Variants in SEMA3E observed in about 807,000 individuals in gnomAD.
SEMA3E encodes the protein semaphorin 3E.
In SEMA3E, 49 loss-of-function variants were observed where a neutral mutation model predicts 93.6. The observed-to-expected ratio is 0.52, with a 90% CI of 0.42 to 0.66. SEMA3E has a LOEUF of 0.66. Among genes scored for constraint, SEMA3E ranks in the 30% least tolerant of loss-of-function variants. The pLI, the probability that SEMA3E is intolerant of heterozygous loss-of-function variation, is 0.00. For missense variants in SEMA3E, 906 were observed against 964.8 expected, an observed-to-expected ratio of 0.94 and a Z score of 0.81; for synonymous variants, 363 against 330.7, an observed-to-expected ratio of 1.10 and a Z score of -1.06.
chr7:83,400,072 A>T lies in SEMA3E; in HGVS notation c.1322T>A (p.Val441Glu). 6.2e-7 allele frequency: 1 copy of T among 1,613,848 alleles called. No homozygotes were observed. Among genetic ancestry groups the T allele is most frequent in the South Asian group, 1.1e-5 (1 of 91,066 alleles). Reference sequence around the variant, plus strand: ...GTCATATTGGCCATCCTCAGCTTCCACTCGATCTACTGCTATTTGTTTCAG... The same window carrying T: ...GTCATATTGGCCATCCTCAGCTTCCTCTCGATCTACTGCTATTTGTTTCAG... ...YNLKQIAVDR[V>E]EAEDGQYDVL... Residue 441 changes from valine to glutamate, a missense_variant, in exon 11 of 17, where the codon GTG becomes GAG. Val to Glu is a moderately radical substitution (Grantham distance 121). Coordinates refer to ENST00000643230, the MANE Select transcript of SEMA3E (RefSeq NM_012431.3).
chr7:83,403,101 C>A (rs1283331395), intron 9 of SEMA3E, among the ~76,000 whole-genome samples: 1 of 151,816 alleles, frequency 6.6e-6, no homozygotes, highest in Non-Finnish European at 1.5e-5. Flanking sequence ...TTAACAAAGG[C>A]TTATTCCCAA....
chr7:83,498,934 T>C (rs890460097), intron 1 of SEMA3E, among the ~76,000 whole-genome samples: 1 of 152,238 alleles, frequency 6.6e-6, no homozygotes, highest in Non-Finnish European at 1.5e-5. Flanking sequence ...TGGGCATTCC[T>C]TCAAGTTTTT....
intron 5 of SEMA3E, among the ~76,000 whole-genome samples, chr7:83,414,222 A>C (rs2723004): frequency 0.53 from 80,788 of 151,626 alleles, 23,276 homozygotes; most frequent in East Asian, 0.84. Flanking sequence ...TTACCATTAT[A>C]AAGACAAATA....
Position 83,572,867 on chromosome 7 carries a change from TAACTC to T in SEMA3E, c.115+75556_115+75560del, listed in dbSNP as rs1393007540. ...TCTATTTTTTATCATATACAAGAAT[TAACTC>T]AAGATAGATTAAAGATTTAAATGTA... On this transcript the variant is annotated intron_variant, in intron 1 of 16. Coordinates refer to ENST00000643230, the MANE Select transcript of SEMA3E (RefSeq NM_012431.3). 5.9e-5 allele frequency among the ~76,000 whole-genome samples: 9 copies of T among 152,008 alleles called. 1 individual carries two copies. Among genetic ancestry groups the T allele is most frequent in the Admixed American group, 3.3e-4 (5 of 15,260 alleles).
rs149921933 is a variant in SEMA3E, at chr7:83,543,089, T to C, written c.116-52815A>G. Among the ~76,000 whole-genome samples the C allele has an allele frequency of 4.8e-3, 725 of 152,198 alleles. 3 individuals carry two copies. Among genetic ancestry groups the C allele is most frequent in the African/African-American group, 0.017 (689 of 41,550 alleles). On this transcript the variant is annotated intron_variant, in intron 1 of 16. Transcript: ENST00000643230. Reference sequence around the variant, plus strand: ...TCCTAATTATACCTACCTGTAGGACTGGTATAGTGTTAAGTTCTTTTTATT... The same window carrying C: ...TCCTAATTATACCTACCTGTAGGACCGGTATAGTGTTAAGTTCTTTTTATT...
rs1283380761 is a variant in SEMA3E, at chr7:83,366,046, C to T, written c.*1540G>A. 1 of 152,002 alleles carries T rather than the reference C, an allele frequency of 6.6e-6. No homozygotes were observed. Among genetic ancestry groups the T allele is most frequent in the African/African-American group, 2.4e-5 (1 of 41,396 alleles). The allele number at this position is 152,002 out of a possible 1,614,324, so 9.4% of individuals were successfully genotyped here. ...GATCTTTTGAAGCATGGTGACTTAT[C>T]TGAATAAACTTAAATTTTTCTTAAA... is the stretch of plus-strand genomic sequence containing the variant. On this transcript the variant is annotated 3_prime_UTR_variant, in exon 17 of 17. Coordinates refer to ENST00000643230, the MANE Select transcript of SEMA3E (RefSeq NM_012431.3).
chr7:83,615,716 G>A lies in SEMA3E; in HGVS notation c.115+32712C>T, dbSNP rs553664263. 2.6e-3 allele frequency among the ~76,000 whole-genome samples: 388 copies of A among 152,138 alleles called. 2 individuals are homozygous for A. Among genetic ancestry groups the A allele is most frequent in the Non-Finnish European group, 4.5e-3 (303 of 67,992 alleles). ...CCACCTAAATGCAGATTATAGCAACGATAAAGTAATACTTCTATTGCTGTA... is the reference window on the plus strand; with the variant it reads ...CCACCTAAATGCAGATTATAGCAACAATAAAGTAATACTTCTATTGCTGTA... On this transcript the variant is annotated intron_variant, in intron 1 of 16. Transcript: ENST00000643230.
intron 2 of SEMA3E, among the ~76,000 whole-genome samples, chr7:83,474,754 C>T (rs920465309): frequency 6.6e-6 from 1 of 152,174 alleles, no homozygotes; most frequent in African/African-American, 2.4e-5. Flanking sequence ...ACTGACCCCA[C>T]TATAGGTCGA....
chr7:83,418,110 A>G (rs891297929), intron 5 of SEMA3E, among the ~76,000 whole-genome samples: 1 of 152,156 alleles, frequency 6.6e-6, no homozygotes, highest in African/African-American at 2.4e-5. Flanking sequence ...ATATAATTGC[A>G]TTTTATAAGC....
At chr7:83,385,536 AC>A in intron 15 of SEMA3E, 103 bp from the exon 16 acceptor site, 1 of 1,171,012 alleles carries the variant, frequency 8.5e-7, no homozygotes, top group Non-Finnish European at 1.3e-6. Flanking sequence ...TTAACTCATT[AC>A]TTATTGCTTA....
At chr7:83,390,365 A>G (rs1365220700) in intron 14 of SEMA3E, among the ~76,000 whole-genome samples, 3 of 151,946 alleles carry the variant, frequency 2.0e-5, no homozygotes, top group African/African-American at 7.3e-5. Flanking sequence ...TATTATTCTT[A>G]TATCTCTAGT....
intron 1 of SEMA3E, among the ~76,000 whole-genome samples, chr7:83,497,231 CAA>C (rs1176613197): frequency 6.6e-6 from 1 of 152,082 alleles, no homozygotes; most frequent in African/African-American, 2.4e-5. Flanking sequence ...TACACTTTGT[CAA>C]AATATATTTA....
chr7:83,516,586 T>G (rs569607587), intron 1 of SEMA3E, among the ~76,000 whole-genome samples: 1 of 152,294 alleles, frequency 6.6e-6, no homozygotes, highest in Non-Finnish European at 1.5e-5. Flanking sequence ...GTTAAGTAAC[T>G]GAAGAAATGT....
chr7:83,626,293 C>T (rs943443841), intron 1 of SEMA3E, among the ~76,000 whole-genome samples: 1 of 152,140 alleles, frequency 6.6e-6, no homozygotes, highest in Non-Finnish European at 1.5e-5. Flanking sequence ...AGCAGCTCCT[C>T]TTTGTACCTC....
At chr7:83,569,303 GACA>G in intron 1 of SEMA3E, among the ~76,000 whole-genome samples, 1 of 47,482 alleles carries the variant, frequency 2.1e-5, no homozygotes, top group Non-Finnish European at 3.3e-5. Flanking sequence ...TCATCCCATA[GACA>G]AGACAATATA....
chr7:83,475,125 G>T (rs1224439420), intron 2 of SEMA3E, among the ~76,000 whole-genome samples: 1 of 150,862 alleles, frequency 6.6e-6, no homozygotes, highest in African/African-American at 2.4e-5. Flanking sequence ...AATGCATTAC[G>T]GTTATTACAT....
At chr7:83,461,533 T>C (rs1040076680) in intron 4 of SEMA3E, among the ~76,000 whole-genome samples, 2 of 152,154 alleles carry the variant, frequency 1.3e-5, no homozygotes, top group Non-Finnish European at 2.9e-5. Context: ...ATAGTCAAGG[T>C]TAATGCTCTT....
At chr7:83,551,699 A>C (rs1055770979) in intron 1 of SEMA3E, among the ~76,000 whole-genome samples, 1 of 152,190 alleles carries the variant, frequency 6.6e-6, no homozygotes, top group Admixed American at 6.6e-5. Flanking sequence ...CATTTTCCTT[A>C]GACTTTTTAT....
chr7:83,494,299 C>A (rs1463014217), intron 1 of SEMA3E, among the ~76,000 whole-genome samples: 2 of 151,406 alleles, frequency 1.3e-5, no homozygotes, highest in Non-Finnish European at 3.0e-5. Flanking sequence ...AAAAAAAAAA[C>A]TGTATCAATT....
Sources: gnomAD v4.1 joint callset for allele counts (sites outside exome capture counted in the v4.1 genomes callset) on GRCh38, gnomAD v4.1.1 for gene constraint, MANE v1.5 for transcripts, NCBI Gene and HGNC (gene_info 2026-07-23, HGNC 2026-07-21) for gene names.